The following COL21A1 variants were observed in gnomAD, a reference collection of about 807,000 sequenced individuals.
COL21A1 encodes the protein collagen type XXI alpha 1 chain.
COL21A1 carries 149 observed loss-of-function variants against 137.9 expected under a neutral mutation model. The ratio of observed to expected loss-of-function variants is 1.08; its 90% confidence interval spans 0.95 to 1.24. The LOEUF is 1.24. Ranked by LOEUF, COL21A1 falls within the 50% of genes most tolerant of loss-of-function variation. The pLI is 0.00. For synonymous variants in COL21A1, 456 were observed against 391.5 expected (o/e 1.16, Z -1.95); for missense variants, 1,167 against 1,158.4 (o/e 1.01, Z -0.11).
intron 1 of COL21A1, among the ~76,000 whole-genome samples, chr6:56,369,417 A>T (rs1766173535): frequency 6.6e-6 from 1 of 151,712 alleles, no homozygotes; most frequent in Non-Finnish European, 1.5e-5. Context: ...TGTTATGTAA[A>T]ATTGTGTCCA....
chr6:56,203,534 A>G (rs1318375764), intron 1 of COL21A1, among the ~76,000 whole-genome samples: 1 of 152,244 alleles, frequency 6.6e-6, no homozygotes, highest in African/African-American at 2.4e-5. Flanking sequence ...GGGGCATGTG[A>G]GACATAAGAC....
At chr6:56,183,555 A>C (rs1778055665) in intron 1 of COL21A1, among the ~76,000 whole-genome samples, 1 of 152,178 alleles carries the variant, frequency 6.6e-6, no homozygotes, top group African/African-American at 2.4e-5. Context: ...CGGAGTAGAT[A>C]AGTAGTCCAT....
chr6:56,150,305 C>T (rs1184578214), intron 10 of COL21A1, among the ~76,000 whole-genome samples: 7 of 151,930 alleles, frequency 4.6e-5, no homozygotes, highest in Middle Eastern at 3.4e-3. Flanking sequence ...GATCACGAGG[C>T]CAGGAAATCG....
intron 15 of COL21A1, 58 bp downstream of exon 15, chr6:56,124,181 C>T (rs1772810350): frequency 1.3e-6 from 2 of 1,541,062 alleles, no homozygotes; most frequent in South Asian, 2.4e-5. Flanking sequence ...AAGACAGATA[C>T]TATAAGATAG....
chr6:56,390,931 T>C (rs2094028392), intron 1 of COL21A1, among the ~76,000 whole-genome samples: 1 of 152,102 alleles, frequency 6.6e-6, no homozygotes, highest in South Asian at 2.1e-4. Flanking sequence ...AAAATCAACA[T>C]AGAAACATCA....
At chr6:56,099,151 G>T (rs1462220550) in intron 17 of COL21A1, among the ~76,000 whole-genome samples, 5 of 148,160 alleles carry the variant, frequency 3.4e-5, no homozygotes, top group African/African-American at 1.2e-4. Context: ...TTCTAACATT[G>T]TTTCTACGGG....
At chr6:56,373,032 T>A (rs1446199632) in intron 1 of COL21A1, among the ~76,000 whole-genome samples, 1 of 152,040 alleles carries the variant, frequency 6.6e-6, no homozygotes, top group African/African-American at 2.4e-5. Flanking sequence ...AAAAAGAAAC[T>A]TTGAGGTCTT....
At chr6:56,222,157 CA>C (rs1337898288) in intron 1 of COL21A1, among the ~76,000 whole-genome samples, 1 of 152,004 alleles carries the variant, frequency 6.6e-6, no homozygotes, top group African/African-American at 2.4e-5. Context: ...CCTGTAATCC[CA>C]ACTACTCGGG....
intron 1 of COL21A1, among the ~76,000 whole-genome samples, chr6:56,369,813 A>G (rs1193231157): frequency 6.6e-6 from 1 of 152,218 alleles, no homozygotes; most frequent in Non-Finnish European, 1.5e-5. Context: ...ACTAATTAAA[A>G]CAGCCACAGT....
chr6:56,148,338 C>CAGAGAGAG (rs150898619), intron 10 of COL21A1, among the ~76,000 whole-genome samples: 11,964 of 133,206 alleles, frequency 0.09, 686 homozygotes, highest in Admixed American at 0.15. Flanking sequence ...AGACAAGAGA[C>CAGAGAGAG]AGAGAGAGAG....
intron 1 of COL21A1, among the ~76,000 whole-genome samples, chr6:56,299,490 A>G (rs973243189): frequency 6.6e-6 from 1 of 152,122 alleles, no homozygotes; most frequent in African/African-American, 2.4e-5. Flanking sequence ...TTTTACAATA[A>G]GGTAATTCTC....
At chr6:56,077,361 C>A (rs1235722461) in intron 18 of COL21A1, among the ~76,000 whole-genome samples, 168 bp downstream of exon 18, 1 of 151,150 alleles carries the variant, frequency 6.6e-6, no homozygotes, top group Non-Finnish European at 1.5e-5. Flanking sequence ...TATAAAACAA[C>A]CACAAAACAA....
chr6:56,245,241 C>A (rs1299541079), intron 1 of COL21A1, among the ~76,000 whole-genome samples: 1 of 152,050 alleles, frequency 6.6e-6, no homozygotes, highest in African/African-American at 2.4e-5. Context: ...TTCTGAAGAA[C>A]CAGATTTTAC....
At chr6:56,103,977 C>T (rs1326411401) in intron 16 of COL21A1, among the ~76,000 whole-genome samples, 2 of 152,172 alleles carry the variant, frequency 1.3e-5, no homozygotes, top group Non-Finnish European at 2.9e-5. Flanking sequence ...GACTTACAGA[C>T]TCTTTCTGCA....
intron 1 of COL21A1, among the ~76,000 whole-genome samples, chr6:56,292,093 C>T (rs1374216189): frequency 6.6e-5 from 10 of 152,054 alleles, no homozygotes; most frequent in African/African-American, 2.4e-4. Context: ...AGCTTGAACC[C>T]GGGACGTGGA....
intron 1 of COL21A1, among the ~76,000 whole-genome samples, chr6:56,232,559 G>T (rs577721047): frequency 6.6e-6 from 1 of 151,882 alleles, no homozygotes; most frequent in South Asian, 2.1e-4. Context: ...AGTTGGCTAC[G>T]TTCTGTTATA....
chr6:56,352,369 A>T (rs1398130628), intron 1 of COL21A1, among the ~76,000 whole-genome samples: 1 of 152,000 alleles, frequency 6.6e-6, no homozygotes, highest in Non-Finnish European at 1.5e-5. Context: ...GTGGCAAAGG[A>T]AGGTTTCCAG....
chr6:56,297,069 T>A (rs9367680), intron 1 of COL21A1, among the ~76,000 whole-genome samples: 128,135 of 151,970 alleles, frequency 0.84, 56,013 homozygotes, highest in South Asian at 0.97. Flanking sequence ...GTCTTCTGCT[T>A]TATTAAATTG....
intron 3 of COL21A1, among the ~76,000 whole-genome samples, chr6:56,173,526 A>T (rs1777223758): frequency 6.6e-6 from 1 of 152,198 alleles, no homozygotes; most frequent in Admixed American, 6.5e-5. Flanking sequence ...AAATGAAAAA[A>T]GATATTCCAT....
Sources: allele counts gnomAD v4.1 joint callset (sites outside exome capture counted in the v4.1 genomes callset), GRCh38; gene constraint gnomAD v4.1.1; transcripts MANE v1.5; gene names NCBI Gene and HGNC (gene_info 2026-07-23, HGNC 2026-07-21).